The following TMEM116 variants were observed in gnomAD, a reference collection of about 807,000 sequenced individuals.
TMEM116 encodes transmembrane protein 116.
A neutral mutation model predicts 44.3 loss-of-function variants in TMEM116; 38 were observed. The observed-to-expected ratio is 0.86, with a 90% CI of 0.66 to 1.12. The LOEUF is 1.12. Among genes scored for constraint, TMEM116 ranks in the 50% most tolerant of loss-of-function variants. TMEM116 has a pLI of 0.00. For missense variants in TMEM116, 354 were observed against 401.7 expected (o/e 0.88, Z 1.01); for synonymous variants, 132 against 144.8 (o/e 0.91, Z 0.64).
At chr12:111,959,750 G>T (rs1276497385) in intron 4 of TMEM116, among the ~76,000 whole-genome samples, 1 of 152,066 alleles carries the variant, frequency 6.6e-6, no homozygotes, top group Non-Finnish European at 1.5e-5. Context: ...AAGATCAAAA[G>T]AGATAAAGAA....
intron 1 of TMEM116, among the ~76,000 whole-genome samples, chr12:112,009,843 C>CAAAAAAAAAA: frequency 8.9e-6 from 1 of 112,036 alleles, no homozygotes; most frequent in Non-Finnish European, 1.9e-5. Flanking sequence ...GACTCTGTCT[C>CAAAAAAAAAA]AAAAAAAAAA....
In TMEM116 at chr12:111,969,010, A is replaced by G. The variant is rs555668003; in HGVS notation, c.210+22748T>C. 1.2e-3 allele frequency among the ~76,000 whole-genome samples: 178 copies of G among 150,236 alleles called. 1 individual carries two copies. Among genetic ancestry groups the G allele is most frequent in the South Asian group, 4.0e-3 (19 of 4,732 alleles). On this transcript the variant is annotated intron_variant, in intron 4 of 10. Transcript: ENST00000552374. ...TCTATCTCAAAAAAAAAAAAAAAAA[A>G]AAAGAAAAGAAAAGAAAAAAAAGAA... is the stretch of plus-strand genomic sequence containing the variant.
At chr12:111,996,541 C>T (rs562450324) in intron 3 of TMEM116, among the ~76,000 whole-genome samples, 5 of 152,086 alleles carry the variant, frequency 3.3e-5, no homozygotes, top group East Asian at 3.9e-4. Context: ...CAAGTATTAA[C>T]GGGAACAAAA....
chr12:112,001,292 C>CCA (rs2077239712), intron 3 of TMEM116, among the ~76,000 whole-genome samples: 1 of 152,096 alleles, frequency 6.6e-6, no homozygotes, highest in Non-Finnish European at 1.5e-5. Flanking sequence ...TGCCCCAATC[C>CCA]CACCCTCACA....
intron 2 of TMEM116, among the ~76,000 whole-genome samples, chr12:112,004,968 A>G (rs940737871): frequency 1.3e-4 from 20 of 152,056 alleles, no homozygotes; most frequent in Admixed American, 2.6e-4. Context: ...TGTCATTCCA[A>G]TTTTTAGTAT....
intron 4 of TMEM116, 71 bp from the exon 5 acceptor site, chr12:111,943,440 C>T: frequency 9.0e-7 from 1 of 1,105,156 alleles, no homozygotes; most frequent in Non-Finnish European, 1.4e-6. Context: ...CAACATACTT[C>T]ATTATTTTCT....
intron 4 of TMEM116, among the ~76,000 whole-genome samples, chr12:111,952,478 G>C (rs1361451050): frequency 1.3e-5 from 2 of 152,176 alleles, no homozygotes; most frequent in Non-Finnish European, 2.9e-5. Context: ...GGTCTGTGAT[G>C]GTTAATACTG....
chr12:111,933,615 A>C (rs2071850836), intron 9 of TMEM116, among the ~76,000 whole-genome samples: 1 of 150,978 alleles, frequency 6.6e-6, no homozygotes, highest in Admixed American at 6.6e-5. Context: ...CAGCCTCCCA[A>C]GTAGCTGGGA....
chr12:111,972,923 A>G (rs1223215455), intron 4 of TMEM116, among the ~76,000 whole-genome samples: 1 of 151,902 alleles, frequency 6.6e-6, no homozygotes. Context: ...ATGGATCACG[A>G]AGTCAGGAGA....
At chr12:111,998,242 T>C (rs1052387430) in intron 3 of TMEM116, among the ~76,000 whole-genome samples, 11 of 152,152 alleles carry the variant, frequency 7.2e-5, no homozygotes, top group African/African-American at 2.7e-4. Flanking sequence ...GTAAAACTAG[T>C]CCTAAGAGAC....
At chr12:111,961,627 T>C (rs1314799178) in intron 4 of TMEM116, among the ~76,000 whole-genome samples, 1 of 152,184 alleles carries the variant, frequency 6.6e-6, no homozygotes, top group Non-Finnish European at 1.5e-5. Flanking sequence ...CATCCCTTCA[T>C]GCTAAAAACT....
intron 3 of TMEM116, among the ~76,000 whole-genome samples, chr12:111,997,969 A>G (rs2136673408): frequency 6.6e-6 from 1 of 152,358 alleles, no homozygotes; most frequent in Admixed American, 6.5e-5. Context: ...ATAACTGTTA[A>G]GAGATTTAAA....
intron 4 of TMEM116, among the ~76,000 whole-genome samples, chr12:111,969,242 C>T (rs2075176265): frequency 6.7e-6 from 1 of 149,940 alleles, no homozygotes; most frequent in Non-Finnish European, 1.5e-5. Context: ...ATCGTTTGAA[C>T]CTGGGAGGTG....
rs766780207 is a variant in TMEM116, at chr12:111,936,847, TA to T, written c.450-18del. The T allele has an allele frequency of 6.3e-6, 10 of 1,576,692 alleles. No homozygotes were observed. In the South Asian group the frequency reaches 9.6e-5, roughly 15 times the overall value. ...AAGATACACCTAGGAAGAAAATCAA[TA>T]AACAGGAGTACTACTACAGATGTAA... On this transcript the variant is annotated intron_variant, in intron 7 of 10. Coordinates refer to ENST00000552374, the MANE Select transcript of TMEM116 (RefSeq NM_001193531.2).
chr12:111,976,988 G>GT (rs987901345), intron 4 of TMEM116, among the ~76,000 whole-genome samples: 9 of 152,106 alleles, frequency 5.9e-5, no homozygotes, highest in African/African-American at 1.9e-4. Context: ...TATAAAAGGT[G>GT]TAACATAGGT....
chr12:111,990,494 G>A (rs1287617351), intron 4 of TMEM116, among the ~76,000 whole-genome samples: 2 of 152,178 alleles, frequency 1.3e-5, no homozygotes, highest in East Asian at 1.9e-4. Flanking sequence ...GCAGGACTGA[G>A]CAAAGTATGA....
chr12:112,002,537 C>T (rs1173853921), intron 3 of TMEM116, among the ~76,000 whole-genome samples: 1 of 150,730 alleles, frequency 6.6e-6, no homozygotes, highest in Non-Finnish European at 1.5e-5. Context: ...TGCACTCCAG[C>T]CTCGGCGACA....
chr12:111,934,024 G>A lies in TMEM116; in HGVS notation c.595C>T (p.Leu199Phe). ...VLSLLTIMVL[L>F]IRAQTLYKKF... The stretch of plus-strand genomic sequence containing the variant: ...TTATACAATGTCTGGGCTCGGATAA[G>A]TAAGACCTAAATATGAGTACAGCAG... Residue 199 changes from leucine (L) to phenylalanine (F), a missense_variant, in exon 9 of 11, where the codon CTT becomes TTT. Transcript: ENST00000552374. 1 of 1,613,990 alleles carries A rather than the reference G, an allele frequency of 6.2e-7. No individual in the cohort carries two copies. The highest frequency in any genetic ancestry group is 8.5e-7 in the Non-Finnish European group (1 of 1,179,940).
chr12:111,972,921 C>G (rs1192177486), intron 4 of TMEM116, among the ~76,000 whole-genome samples: 1 of 151,308 alleles, frequency 6.6e-6, no homozygotes, highest in South Asian at 2.1e-4. Context: ...AGATGGATCA[C>G]GAAGTCAGGA....
Sources: allele counts gnomAD v4.1 joint callset (sites outside exome capture counted in the v4.1 genomes callset), GRCh38; gene constraint gnomAD v4.1.1; transcripts MANE v1.5; gene names NCBI Gene and HGNC (gene_info 2026-07-23, HGNC 2026-07-21).